The following KLHL28 variants were observed in gnomAD, a reference collection of about 807,000 sequenced individuals.
The protein encoded by KLHL28 is kelch like family member 28, also known as kelch-like protein 28.
Under a neutral mutation model 48.3 loss-of-function variants are expected in KLHL28, and 22 were observed. That is an observed-to-expected ratio of 0.46 (90% CI 0.33 to 0.65). The LOEUF is 0.65. Ranked by LOEUF, KLHL28 falls within the 30% of genes least tolerant of loss-of-function variation. The pLI is 0.03. For missense variants in KLHL28, 527 were observed against 704.3 expected, an observed-to-expected ratio of 0.75 and a Z score of 2.85; for synonymous variants, 243 against 242.4, an observed-to-expected ratio of 1.00 and a Z score of -0.02.
chr14:44,942,931 G>T (rs1341415325), intron 2 of KLHL28, among the ~76,000 whole-genome samples: 1 of 152,168 alleles, frequency 6.6e-6, no homozygotes, highest in Non-Finnish European at 1.5e-5. Flanking sequence ...CAGTGTATCT[G>T]ATGCACAGGT....
chr14:44,938,263 C>T lies in KLHL28; in HGVS notation c.900-3705G>A, dbSNP rs144286123. On this transcript the variant is annotated intron_variant, in intron 2 of 4. Transcript: ENST00000396128. ...AAACAAGTTATTTACTTCCAAAACA[C>T]AATGGTGAGAAAGGCAGAGAATAGA... Among the ~76,000 whole-genome samples the T allele has an allele frequency of 4.1e-4, 62 of 152,008 alleles. 1 individual carries two copies. The highest frequency in any genetic ancestry group is 1.4e-3 in the African/African-American group (56 of 41,436).
intron 2 of KLHL28, 101 bp downstream of exon 2, chr14:44,944,929 T>C: frequency 1.1e-6 from 1 of 911,504 alleles, no homozygotes; most frequent in Non-Finnish European, 1.6e-6. Flanking sequence ...CAAAGAAAAG[T>C]AAAAAGGAAA....
intron 1 of KLHL28, among the ~76,000 whole-genome samples, chr14:44,956,077 T>C (rs1337812949): frequency 3.3e-5 from 5 of 152,232 alleles, no homozygotes; most frequent in Admixed American, 1.3e-4. Context: ...ACATTTATTA[T>C]GCCTTTCCTA....
intron 1 of KLHL28, among the ~76,000 whole-genome samples, chr14:44,948,205 T>C (rs1318845996): frequency 1.3e-5 from 2 of 152,210 alleles, no homozygotes; most frequent in East Asian, 3.8e-4. Context: ...GTTTTCCTTA[T>C]TTGCAGAATG....
At chr14:44,932,591 C>T (rs905259843) in intron 3 of KLHL28, among the ~76,000 whole-genome samples, 4 of 152,128 alleles carry the variant, frequency 2.6e-5, no homozygotes, top group Non-Finnish European at 5.9e-5. Context: ...CCTGAAAAAA[C>T]CATAAGCATT....
intron 2 of KLHL28, among the ~76,000 whole-genome samples, chr14:44,943,773 G>A (rs1160272558): frequency 6.7e-6 from 1 of 148,978 alleles, no homozygotes; most frequent in East Asian, 2.0e-4. Flanking sequence ...AGTGTGCAAT[G>A]GTGCATTCAT....
At chr14:44,947,677 T>C (rs1884395264) in intron 1 of KLHL28, among the ~76,000 whole-genome samples, 1 of 152,220 alleles carries the variant, frequency 6.6e-6, no homozygotes, top group African/African-American at 2.4e-5. Context: ...AGCACTTCAT[T>C]CTTATACATT....
At chr14:44,932,651 T>C (rs1883639592) in intron 3 of KLHL28, among the ~76,000 whole-genome samples, 1 of 152,174 alleles carries the variant, frequency 6.6e-6, no homozygotes, top group South Asian at 2.1e-4. Flanking sequence ...CTGGGTAATG[T>C]TTCTGAAAGA....
intron 2 of KLHL28, among the ~76,000 whole-genome samples, chr14:44,935,902 A>ATATATATATC (rs1196033876): frequency 7.6e-6 from 1 of 131,488 alleles, no homozygotes. Context: ...ATATATATAT[A>ATATATATATC]TCTTTACCCT....
intron 1 of KLHL28, among the ~76,000 whole-genome samples, chr14:44,957,421 A>T (rs1370278819): frequency 6.6e-6 from 1 of 152,228 alleles, no homozygotes; most frequent in East Asian, 1.9e-4. Context: ...CATAATTAGT[A>T]AAAAACATTA....
At chr14:44,953,155 T>A (rs1356295090) in intron 1 of KLHL28, among the ~76,000 whole-genome samples, 1 of 152,140 alleles carries the variant, frequency 6.6e-6, no homozygotes, top group Non-Finnish European at 1.5e-5. Context: ...ATCATTTAGA[T>A]ATGCAGGTTT....
intron 1 of KLHL28, among the ~76,000 whole-genome samples, chr14:44,947,138 G>A (rs1465381354): frequency 1.3e-5 from 2 of 152,138 alleles, no homozygotes; most frequent in Admixed American, 1.3e-4. Flanking sequence ...ATCCAAGTGG[G>A]CCCAAAATGC....
rs551295973 is a variant in KLHL28 at position 44,961,880 on chromosome 14, G to C, written c.-35C>G. 2 of 152,912 alleles carry C rather than the reference G, an allele frequency of 1.3e-5. No individual in the cohort carries two copies. Among genetic ancestry groups the C allele is most frequent in the Non-Finnish European group, 2.9e-5 (2 of 68,564 alleles). The allele number at this position is 152,912 out of a possible 1,614,324, so 9.5% of individuals were successfully genotyped here. ...AGTAATCACACGGGCAGCGACAGGA[G>C]GAGGAACCGCGGACAACTGGAGCCT... is the stretch of plus-strand genomic sequence containing the variant. On this transcript the variant is annotated 5_prime_UTR_variant, in exon 1 of 5. Coordinates refer to ENST00000396128, the MANE Select transcript of KLHL28 (RefSeq NM_017658.5).
chr14:44,950,420 A>G (rs1884528378), intron 1 of KLHL28, among the ~76,000 whole-genome samples: 1 of 152,208 alleles, frequency 6.6e-6, no homozygotes, highest in Non-Finnish European at 1.5e-5. Flanking sequence ...GGAATCACAT[A>G]GTGATAGATC....
intron 1 of KLHL28, among the ~76,000 whole-genome samples, 168 bp from the exon 2 acceptor site, chr14:44,946,096 G>C (rs1884325688): frequency 6.6e-6 from 1 of 152,134 alleles, no homozygotes; most frequent in African/African-American, 2.4e-5. Flanking sequence ...AGTTAGAAGA[G>C]ATTTAACAAT....
rs1405897121 is a variant in KLHL28 at position 44,928,078 on chromosome 14, C to T, written c.*950G>A. On this transcript the variant is annotated 3_prime_UTR_variant, in exon 5 of 5. Transcript: ENST00000396128. ...ACATCCAAAAGGACATCAGTTATAG[C>T]CTTGTTATAAATCCTACAGTTAGCA... The T allele has an allele frequency of 6.6e-6, 1 of 152,498 alleles. No homozygotes were observed. The highest frequency in any genetic ancestry group is 1.5e-5 in the Non-Finnish European group (1 of 68,006). 9.4% of individuals were successfully genotyped at this position (152,498 alleles called of 1,614,324 possible). A position where few individuals can be genotyped will look rare whatever the true frequency, so the allele number is the denominator to read the frequency against.
chr14:44,945,528 G>T lies in KLHL28; in HGVS notation c.401C>A (p.Pro134His), dbSNP rs774829937. The change falls in exon 2 of 5, where the codon CCT becomes CAT. Residue 134 changes from proline to histidine, a missense_variant. Transcript: ENST00000396128. ...CCAFLESQLD[P>H]GNCIGISRFA... The stretch of plus-strand genomic sequence containing the variant: ...ACGAGAAATTCCAATACAATTACCA[G>T]GATCAAGTTGGCTTTCAAGAAATGC... The T allele has an allele frequency of 6.2e-7, 1 of 1,614,168 alleles. No homozygotes were observed. Among genetic ancestry groups the T allele is most frequent in the South Asian group, 1.1e-5 (1 of 91,080 alleles).
At chr14:44,941,906 C>T (rs369781277) in intron 2 of KLHL28, among the ~76,000 whole-genome samples, 1 of 152,072 alleles carries the variant, frequency 6.6e-6, no homozygotes, top group African/African-American at 2.4e-5. Flanking sequence ...AATCCTTTTT[C>T]CTCTCTATAT....
chr14:44,945,767 G>C lies in KLHL28; in HGVS notation c.162C>G (p.Ala54=). ...VKIHAHKVVL[A]SVSPYFKAMF... is the part of the protein sequence containing the mutation. ...TAGCTTTGAAATACGGGCTGACGCTGGCAAGTACCACTTTGTGAGCATGAA... is the reference window on the plus strand; with the variant it reads ...TAGCTTTGAAATACGGGCTGACGCTCGCAAGTACCACTTTGTGAGCATGAA... The change falls in exon 2 of 5, where the codon GCC becomes GCG. Residue 54 remains alanine (A), a synonymous_variant. Coordinates refer to ENST00000396128, the MANE Select transcript of KLHL28 (RefSeq NM_017658.5). 6.2e-7 allele frequency: 1 copy of C among 1,614,114 alleles called. No individual in the cohort carries two copies. The highest frequency in any genetic ancestry group is 8.5e-7 in the Non-Finnish European group (1 of 1,180,014).
Sources: gnomAD v4.1 joint callset for allele counts (sites outside exome capture counted in the v4.1 genomes callset) on GRCh38, gnomAD v4.1.1 for gene constraint, MANE v1.5 for transcripts, NCBI Gene and HGNC (gene_info 2026-07-23, HGNC 2026-07-21) for gene names.